SPAG16: variants seen among roughly 807,000 people sequenced by gnomAD.
SPAG16 encodes sperm associated antigen 16.
In SPAG16, 86 loss-of-function variants were observed where a neutral mutation model predicts 80.4. The ratio of observed to expected loss-of-function variants is 1.07; its 90% CI spans 0.90 to 1.28. SPAG16 has a LOEUF of 1.28. Among genes scored for constraint, SPAG16 ranks in the 50% most tolerant of loss-of-function variants. SPAG16 has a pLI of 0.00. For synonymous variants in SPAG16, 294 were observed against 265.9 expected (o/e 1.11, Z -1.03); for missense variants, 870 against 765.3 (o/e 1.14, Z -1.61).
intron 13 of SPAG16, among the ~76,000 whole-genome samples, chr2:214,106,600 C>T (rs750685111): frequency 4.6e-5 from 7 of 152,066 alleles, no homozygotes; most frequent in Non-Finnish European, 2.9e-5. Context: ...AGTTATAAAG[C>T]CTTTCCAACT....
At chr2:213,459,525 G>T (rs2072237082) in intron 9 of SPAG16, among the ~76,000 whole-genome samples, 1 of 152,190 alleles carries the variant, frequency 6.6e-6, no homozygotes, top group Non-Finnish European at 1.5e-5. Context: ...TAGGAATGAG[G>T]ATCATTCTTA....
intron 15 of SPAG16, among the ~76,000 whole-genome samples, chr2:214,403,152 C>T (rs1409133534): frequency 6.6e-6 from 1 of 151,336 alleles, no homozygotes; most frequent in Non-Finnish European, 1.5e-5. Context: ...AGCTGTGTGG[C>T]CTTGGAGAAG....
intron 10 of SPAG16, among the ~76,000 whole-genome samples, chr2:213,627,072 C>A (rs537219672): frequency 1.3e-5 from 2 of 152,256 alleles, no homozygotes; most frequent in East Asian, 3.9e-4. Flanking sequence ...TTTTACTCAG[C>A]AAACTATGTA....
At chr2:213,537,587 A>G (rs1377502388) in intron 10 of SPAG16, among the ~76,000 whole-genome samples, 1 of 152,144 alleles carries the variant, frequency 6.6e-6, no homozygotes, top group Non-Finnish European at 1.5e-5. Context: ...AGCACTGCCA[A>G]GCATATACAT....
chr2:214,096,248 G>C (rs1021989977), intron 13 of SPAG16, among the ~76,000 whole-genome samples: 1 of 150,246 alleles, frequency 6.7e-6, no homozygotes, highest in Non-Finnish European at 1.5e-5. Flanking sequence ...GATGCTGGTA[G>C]TTTTACATAG....
intron 9 of SPAG16, among the ~76,000 whole-genome samples, chr2:213,381,626 A>C (rs540558792): frequency 6.6e-6 from 1 of 152,234 alleles, no homozygotes; most frequent in Non-Finnish European, 1.5e-5. Context: ...AGTATTCACA[A>C]GATAAGGCAT....
chr2:213,435,452 A>G (rs2171625), intron 9 of SPAG16, among the ~76,000 whole-genome samples: 14,816 of 152,194 alleles, frequency 0.097, 1,881 homozygotes, highest in African/African-American at 0.29. Flanking sequence ...TTATTCAATT[A>G]CTGGTTACGC....
chr2:213,483,214 G>A (rs139272834), intron 9 of SPAG16, among the ~76,000 whole-genome samples: 1 of 152,026 alleles, frequency 6.6e-6, no homozygotes, highest in African/African-American at 2.4e-5. Flanking sequence ...TGAAATTTAG[G>A]TGTTTCTAGT....
chr2:213,925,285 A>T (rs914014381), intron 11 of SPAG16, among the ~76,000 whole-genome samples: 9 of 151,612 alleles, frequency 5.9e-5, no homozygotes, highest in Non-Finnish European at 1.2e-4. Context: ...ATATATCCTT[A>T]GTAATTTCTG....
At chr2:213,564,700 C>T (rs1053115461) in intron 10 of SPAG16, among the ~76,000 whole-genome samples, 1 of 152,120 alleles carries the variant, frequency 6.6e-6, no homozygotes. Context: ...ATTTATTGAA[C>T]ATGTCTCATG....
rs188330797 is a variant in SPAG16, at chr2:214,303,305, C to T, written c.1721-106835C>T. ...TTAGGACTCCTTTGAGCTTTTCTTG[C>T]AGGGCTGTTCTAGTGTTGATGAATT... On this transcript the variant is annotated intron_variant, in intron 15 of 15. Transcript: ENST00000331683. Among the ~76,000 whole-genome samples the T allele has an allele frequency of 9.9e-4, 150 of 152,266 alleles. 1 individual carries two copies. Among genetic ancestry groups the T allele is most frequent in the Non-Finnish European group, 4.4e-4 (30 of 68,014 alleles).
intron 12 of SPAG16, among the ~76,000 whole-genome samples, chr2:213,944,811 C>T (rs1200009815): frequency 6.6e-6 from 1 of 152,030 alleles, no homozygotes; most frequent in Non-Finnish European, 1.5e-5. Context: ...ATGGAGCCCT[C>T]TTGAATGGGA....
intron 9 of SPAG16, among the ~76,000 whole-genome samples, chr2:213,390,065 A>G (rs1173843621): frequency 6.6e-6 from 1 of 152,182 alleles, no homozygotes; most frequent in Non-Finnish European, 1.5e-5. Context: ...AAAGGAAGGA[A>G]TTTCTAGCAA....
chr2:214,170,237 C>G (rs1412692116), intron 15 of SPAG16, among the ~76,000 whole-genome samples: 1 of 137,036 alleles, frequency 7.3e-6, no homozygotes, highest in Non-Finnish European at 1.7e-5. Context: ...TATACACACA[C>G]ACTTAGGTGT....
At chr2:213,723,982 G>A (rs2066639995) in intron 10 of SPAG16, among the ~76,000 whole-genome samples, 1 of 152,140 alleles carries the variant, frequency 6.6e-6, no homozygotes, top group Admixed American at 6.5e-5. Flanking sequence ...TCATCAGGGT[G>A]AGAGAGAGAA....
chr2:214,098,918 T>C (rs2052791768), intron 13 of SPAG16, among the ~76,000 whole-genome samples: 1 of 152,040 alleles, frequency 6.6e-6, no homozygotes, highest in Non-Finnish European at 1.5e-5. Context: ...TGAGACTTTT[T>C]TTTTGCCAGT....
chr2:213,292,118 T>A (rs2062298870), intron 1 of SPAG16, among the ~76,000 whole-genome samples: 1 of 152,200 alleles, frequency 6.6e-6, no homozygotes, highest in Non-Finnish European at 1.5e-5. Flanking sequence ...GACATCTTCC[T>A]CATATAATCT....
chr2:213,534,000 C>A lies in SPAG16; in HGVS notation c.1070+43910C>A, dbSNP rs77023451. 5.8e-3 allele frequency among the ~76,000 whole-genome samples: 882 copies of A among 152,000 alleles called. 4 individuals carry two copies. Among genetic ancestry groups the A allele is most frequent in the Non-Finnish European group, 1.0e-2 (679 of 67,920 alleles). On this transcript the variant is annotated intron_variant, in intron 10 of 15. Coordinates refer to ENST00000331683, the MANE Select transcript of SPAG16 (RefSeq NM_024532.5). ...ATCACCTCCTATTGTTGCATATTTA[C>A]GTTATTTTTATTTTTGATATTCTGA... is the stretch of plus-strand genomic sequence containing the variant.
chr2:213,817,089 A>G (rs936125678), intron 10 of SPAG16, among the ~76,000 whole-genome samples: 2 of 151,710 alleles, frequency 1.3e-5, no homozygotes, highest in African/African-American at 4.8e-5. Context: ...TGTTTATTTA[A>G]TAGGTAAAAT....
Sources: gnomAD v4.1 joint callset for allele counts (sites outside exome capture counted in the v4.1 genomes callset) on GRCh38, gnomAD v4.1.1 for gene constraint, MANE v1.5 for transcripts, NCBI Gene and HGNC (gene_info 2026-07-23, HGNC 2026-07-21) for gene names.